PCDH11X: variants seen among roughly 807,000 people sequenced by gnomAD.
PCDH11X encodes protocadherin 11 X-linked.
PCDH11X carries 18 observed loss-of-function variants against 53.3 expected under a neutral mutation model. The ratio of observed to expected loss-of-function variants is 0.34; its 90% CI spans 0.23 to 0.50. The LOEUF (loss-of-function observed/expected upper bound fraction) is 0.50, where lower values mean the gene tolerates loss of function less well. Among genes scored for constraint, PCDH11X ranks in the 20% least tolerant of loss-of-function variants. The pLI, the probability that PCDH11X is intolerant of heterozygous loss-of-function variation, is 0.98. For synonymous variants in PCDH11X, 279 were observed against 393.3 expected, an observed-to-expected ratio of 0.71 and a Z score of 3.44; for missense variants, 570 against 1,032.4, an observed-to-expected ratio of 0.55 and a Z score of 6.14.
chrX:92,515,921 G>A (rs189954950), intron 10 of PCDH11X, among the ~76,000 whole-genome samples: 1 of 111,554 alleles, frequency 9.0e-6, no homozygotes, highest in Non-Finnish European at 1.9e-5. Flanking sequence ...GAAGCAGTAG[G>A]TCAAATGAAA....
At chrX:91,981,973 A>G (rs1369306947) in intron 6 of PCDH11X, among the ~76,000 whole-genome samples, 1 of 107,918 alleles carries the variant, frequency 9.3e-6, no homozygotes, top group Non-Finnish European at 1.9e-5. Context: ...GAGTGTTGTC[A>G]CCATGTGATT....
chrX:92,442,353 C>A (rs766639359), intron 9 of PCDH11X, among the ~76,000 whole-genome samples: 1 of 110,900 alleles, frequency 9.0e-6, no homozygotes, highest in East Asian at 2.9e-4. Flanking sequence ...ACACCCAAAT[C>A]TCATCTTGAA....
At chrX:92,373,411 A>G (rs1442569475) in intron 8 of PCDH11X, among the ~76,000 whole-genome samples, 1 of 111,609 alleles carries the variant, frequency 9.0e-6, no homozygotes, top group Non-Finnish European at 1.9e-5. Flanking sequence ...CTTGCCTTCC[A>G]GTACAAAGAG....
In PCDH11X at chrX:92,622,874, G is replaced by A. The variant is rs1846124179; in HGVS notation, c.*3934G>A. The stretch of plus-strand genomic sequence containing the variant: ...AAAAAATCTGCTCAGAAAAATGTAT[G>A]TGCACAAATAAAAAAAATTAATGGC... On this transcript the variant is annotated 3_prime_UTR_variant, in exon 11 of 11. Coordinates refer to ENST00000682573, the MANE Select transcript of PCDH11X (RefSeq NM_032968.5). 9.1e-6 allele frequency: 1 copy of A among 110,389 alleles called. No individual in the cohort carries two copies. The highest frequency in any genetic ancestry group is 9.7e-5 in the Admixed American group (1 of 10,281). The allele number at this position is 110,389 out of a possible 1,213,427, so 9.1% of individuals were successfully genotyped here. A position where few individuals can be genotyped will look rare whatever the true frequency, so the allele number is the denominator to read the frequency against.
At chrX:92,293,595 C>T (rs1305747096) in intron 8 of PCDH11X, among the ~76,000 whole-genome samples, 1 of 101,514 alleles carries the variant, frequency 9.9e-6, no homozygotes, top group Non-Finnish European at 1.9e-5. Context: ...TGCACTCCAG[C>T]CTGGGCGACA....
At chrX:91,886,919 C>G (rs1321077215) in intron 6 of PCDH11X, among the ~76,000 whole-genome samples, 2 of 95,579 alleles carry the variant, frequency 2.1e-5, no homozygotes, top group Non-Finnish European at 4.0e-5. Context: ...TGCAGTGAGC[C>G]AAGATGGCGC....
At chrX:91,935,704 T>G (rs1333876531) in intron 6 of PCDH11X, among the ~76,000 whole-genome samples, 1 of 110,702 alleles carries the variant, frequency 9.0e-6, no homozygotes, top group Non-Finnish European at 1.9e-5. Context: ...TGATGCCACG[T>G]GCCAAGGTGG....
At chrX:92,533,156 T>C (rs1440795794) in intron 10 of PCDH11X, among the ~76,000 whole-genome samples, 1 of 111,013 alleles carries the variant, frequency 9.0e-6, no homozygotes, top group Admixed American at 9.6e-5. Context: ...TTAAATGTCT[T>C]TGGGAGGAAA....
At chrX:92,132,639 A>ATG (rs1274292889) in intron 6 of PCDH11X, among the ~76,000 whole-genome samples, 1 of 62,244 alleles carries the variant, frequency 1.6e-5, no homozygotes, top group African/African-American at 9.1e-5. Flanking sequence ...ATATATGTAT[A>ATG]TATATATATA....
chrX:92,393,229 G>A (rs2754901), intron 9 of PCDH11X, among the ~76,000 whole-genome samples: 3 of 110,915 alleles, frequency 2.7e-5, no homozygotes, highest in African/African-American at 9.8e-5. Flanking sequence ...GGTTAATTAC[G>A]TAGCAAGGCC....
chrX:92,430,428 T>TGTCAA (rs199985046), intron 9 of PCDH11X, among the ~76,000 whole-genome samples: 2,397 of 74,026 alleles, frequency 0.032, 97 homozygotes, highest in Middle Eastern at 0.098. Flanking sequence ...TCTCTGATAA[T>TGTCAA]GTCAATGTTT....
chrX:91,964,248 A>T (rs912640860), intron 6 of PCDH11X, among the ~76,000 whole-genome samples: 2 of 107,804 alleles, frequency 1.9e-5, no homozygotes, highest in Admixed American at 9.7e-5. Context: ...CAATCTATGG[A>T]TTCAGTGCAA....
At chrX:91,972,065 C>T (rs1483292528) in intron 6 of PCDH11X, among the ~76,000 whole-genome samples, 1 of 109,494 alleles carries the variant, frequency 9.1e-6, no homozygotes, top group Non-Finnish European at 1.9e-5. Context: ...GTCCCACCAA[C>T]AGTGTAAAAG....
chrX:92,024,718 C>CAAAA (rs199917287), intron 6 of PCDH11X, among the ~76,000 whole-genome samples: 17 of 54,668 alleles, frequency 3.1e-4, no homozygotes, highest in South Asian at 9.4e-4. Flanking sequence ...CAATCCTAAG[C>CAAAA]AAAAAAAAAA....
chrX:92,025,732 C>A (rs1335681720), intron 6 of PCDH11X, among the ~76,000 whole-genome samples: 2 of 105,221 alleles, frequency 1.9e-5, no homozygotes, highest in Non-Finnish European at 3.9e-5. Flanking sequence ...ATAAATCATT[C>A]TACTATAAAG....
intron 10 of PCDH11X, among the ~76,000 whole-genome samples, chrX:92,523,459 A>G (rs1261448583): frequency 8.9e-6 from 1 of 112,237 alleles, no homozygotes; most frequent in African/African-American, 3.2e-5. Context: ...AACGTTAGAC[A>G]TCGCTCAGAT....
At chrX:91,993,563 G>A (rs1156240182) in intron 6 of PCDH11X, among the ~76,000 whole-genome samples, 1 of 111,499 alleles carries the variant, frequency 9.0e-6, no homozygotes, top group East Asian at 2.8e-4. Context: ...GCTATGAATT[G>A]TGCTAAAATT....
chrX:92,218,475 C>T (rs974678868), intron 7 of PCDH11X, among the ~76,000 whole-genome samples: 24 of 111,020 alleles, frequency 2.2e-4, no homozygotes, highest in African/African-American at 7.2e-4. Context: ...TCCATACATA[C>T]ACCCTCCCAA....
At chrX:91,799,617 A>G (rs1935861953) in intron 1 of PCDH11X, among the ~76,000 whole-genome samples, 1 of 112,474 alleles carries the variant, frequency 8.9e-6, no homozygotes, top group African/African-American at 3.2e-5. Context: ...AGTGAGTGAT[A>G]AAACTTGAAT....
Sources: allele counts gnomAD v4.1 joint callset (sites outside exome capture counted in the v4.1 genomes callset), GRCh38; gene constraint gnomAD v4.1.1; transcripts MANE v1.5; gene names NCBI Gene and HGNC (gene_info 2026-07-23, HGNC 2026-07-21).